Variants in KCNG2 observed in about 807,000 individuals in gnomAD.
KCNG2 encodes voltage-gated potassium channel regulatory subunit KCNG2.
Under a neutral mutation model 12.3 loss-of-function variants are expected in KCNG2, and 7 were observed. That is an observed-to-expected ratio of 0.57 (90% CI 0.32 to 1.07). KCNG2 has a LOEUF of 1.07. KCNG2 is among the 50% of genes least tolerant of loss of function. The pLI, the probability that KCNG2 is intolerant of heterozygous loss-of-function variation, is 0.04. For missense variants in KCNG2, 703 were observed against 726.0 expected (o/e 0.97, Z 0.36); for synonymous variants, 414 against 351.4 (o/e 1.18, Z -1.99).
At chr18:79,867,660 C>T (rs1380472545) in intron 3 of KCNG2, among the ~76,000 whole-genome samples, 4 of 151,946 alleles carry the variant, frequency 2.6e-5, no homozygotes, top group African/African-American at 4.8e-5. Flanking sequence ...GTGACATTCA[C>T]GGAGAAGGGG....
chr18:79,880,169 A>T (rs71367557), intron 3 of KCNG2, among the ~76,000 whole-genome samples: 7,475 of 152,174 alleles, frequency 0.049, 284 homozygotes, highest in Non-Finnish European at 0.068. Context: ...CTACAAAGTC[A>T]CCCAAAATGT....
intron 1 of KCNG2, among the ~76,000 whole-genome samples, chr18:79,838,228 C>T (rs182716300): frequency 6.1e-4 from 93 of 152,094 alleles, no homozygotes; most frequent in African/African-American, 2.1e-3. Context: ...GGACACAGAG[C>T]CAAACCATAT....
rs192117820 is a variant in KCNG2 at position 79,833,899 on chromosome 18, G to T, written c.-114-22480G>T. On this transcript the variant is annotated intron_variant, in intron 1 of 3. Transcript: ENST00000316249. ...TGCGCCGGGAAGAGAAAGGCCAAGG[G>T]TGGCGATCCTTGCTAGAGGGTCAGA... 2.0e-5 allele frequency among the ~76,000 whole-genome samples: 3 copies of T among 152,336 alleles called. No homozygotes were observed. The East Asian group carries it at 5.8e-4, about 29-fold the overall frequency.
At chr18:79,881,768 G>A (rs913035672) in intron 3 of KCNG2, among the ~76,000 whole-genome samples, 1 of 152,148 alleles carries the variant, frequency 6.6e-6, no homozygotes, top group Non-Finnish European at 1.5e-5. Flanking sequence ...TTTATGGAAA[G>A]GCCTAGGAAC....
chr18:79,872,280 G>GTTTTTTGTTTTTTTTT (rs1979867524), intron 3 of KCNG2, among the ~76,000 whole-genome samples: 2 of 73,410 alleles, frequency 2.7e-5, no homozygotes, highest in African/African-American at 5.2e-5. Flanking sequence ...CAAAGCTTCA[G>GTTTTTTGTTTTTTTTT]TTTTTTTTTT....
At chr18:79,895,071 A>G (rs867627271) in intron 3 of KCNG2, among the ~76,000 whole-genome samples, 1 of 143,288 alleles carries the variant, frequency 7.0e-6, no homozygotes, top group South Asian at 2.2e-4. Context: ...CACCATTCAT[A>G]ATGATTGATA....
Position 79,899,706 on chromosome 18 carries a change from G to T in KCNG2, c.1291G>T (p.Glu431Ter), listed in dbSNP as rs1185517844. Residue 431 changes from glutamate to a stop codon, truncating the protein, a stop_gained, in exon 4 of 4, where the codon GAG becomes TAG. Transcript: ENST00000316249. LOFTEE classifies it low-confidence loss of function (END_TRUNC). ...GGCCAGCCCCGAGCCGGCCCTGCAGGAGGACAGCACGCACTCGGCCACAGC... is the reference window on the plus strand; with the variant it reads ...GGCCAGCCCCGAGCCGGCCCTGCAGTAGGACAGCACGCACTCGGCCACAGC... ...RAASPEPALQ[E>*]DSTHSATATE... The T allele has an allele frequency of 1.2e-6, 2 of 1,606,714 alleles. No homozygotes were observed. The highest frequency in any genetic ancestry group is 1.7e-5 in the Admixed American group (1 of 59,584).
chr18:79,898,015 T>C (rs1981039403), intron 3 of KCNG2, among the ~76,000 whole-genome samples: 1 of 152,150 alleles, frequency 6.6e-6, no homozygotes, highest in Non-Finnish European at 1.5e-5. Flanking sequence ...CCAGGAGGGC[T>C]CCTGCCAGCT....
Position 79,798,006 on chromosome 18 carries a change from G to A in KCNG2, c.-123G>A, listed in dbSNP as rs2087375458. ...GCGGAGCCCGGAGCTCGCGGAGTCTGGACCGCAGGTAAAGTTGAGCGCGCC... is the reference window on the plus strand; with the variant it reads ...GCGGAGCCCGGAGCTCGCGGAGTCTAGACCGCAGGTAAAGTTGAGCGCGCC... On this transcript the variant is annotated 5_prime_UTR_variant, in exon 1 of 4. Coordinates refer to ENST00000316249, the MANE Select transcript of KCNG2 (RefSeq NM_012283.2). 6.6e-6 allele frequency among the ~76,000 whole-genome samples: 1 copy of A among 150,924 alleles called. No individual in the cohort carries two copies.
intron 1 of KCNG2, among the ~76,000 whole-genome samples, chr18:79,808,505 T>G (rs369557981): frequency 0.23 from 31 of 136 alleles, no homozygotes; most frequent in Admixed American, 0.33. Context: ...TGCCGGGGCC[T>G]CGCTGACCAC....
intron 3 of KCNG2, among the ~76,000 whole-genome samples, chr18:79,892,128 A>AG (rs1399851553): frequency 6.7e-6 from 1 of 149,660 alleles, no homozygotes; most frequent in Non-Finnish European, 1.5e-5. Flanking sequence ...AAAAAAAAAA[A>AG]AAACAACACA....
chr18:79,798,117 G>C (rs1249630325), intron 1 of KCNG2, among the ~76,000 whole-genome samples, 103 bp downstream of exon 1: 1 of 151,542 alleles, frequency 6.6e-6, no homozygotes, highest in Non-Finnish European at 1.5e-5. Context: ...CTGTCTGATG[G>C]TTCCGCGCGC....
intron 1 of KCNG2, among the ~76,000 whole-genome samples, chr18:79,826,469 A>C (rs1056684308): frequency 4.6e-5 from 7 of 151,294 alleles, no homozygotes; most frequent in African/African-American, 1.7e-4. Context: ...CATTACGTTC[A>C]GTGAAAGAAC....
At chr18:79,828,360 G>A (rs1460133660) in intron 1 of KCNG2, among the ~76,000 whole-genome samples, 1 of 152,236 alleles carries the variant, frequency 6.6e-6, no homozygotes, top group African/African-American at 2.4e-5. Context: ...ATGAGTCTGT[G>A]TGTGCAGGTG....
intron 3 of KCNG2, among the ~76,000 whole-genome samples, chr18:79,873,517 T>G (rs1321325305): frequency 6.7e-6 from 1 of 148,858 alleles, no homozygotes; most frequent in Non-Finnish European, 1.5e-5. Flanking sequence ...GCTTGGCCTG[T>G]ATGCAGCTGT....
chr18:79,872,280 GTTT>G (rs1162742507), intron 3 of KCNG2, among the ~76,000 whole-genome samples: 13 of 73,414 alleles, frequency 1.8e-4, no homozygotes, highest in Non-Finnish European at 4.7e-5. Context: ...CAAAGCTTCA[GTTT>G]TTTTTTTTTT....
chr18:79,873,073 T>C (rs1022816564), intron 3 of KCNG2, among the ~76,000 whole-genome samples: 1 of 152,072 alleles, frequency 6.6e-6, no homozygotes, highest in African/African-American at 2.4e-5. Context: ...GCTCTGCCGG[T>C]TGGGCCTGGG....
At chr18:79,874,734 G>A (rs559756596) in intron 3 of KCNG2, among the ~76,000 whole-genome samples, 85 of 152,278 alleles carry the variant, frequency 5.6e-4, no homozygotes, top group African/African-American at 1.9e-3. Context: ...GTGCATCTCC[G>A]CTCCCTCCTC....
chr18:79,834,747 T>G (rs1314243439), intron 1 of KCNG2, among the ~76,000 whole-genome samples: 1 of 152,142 alleles, frequency 6.6e-6, no homozygotes, highest in Non-Finnish European at 1.5e-5. Flanking sequence ...CTCCCAACAC[T>G]CAGCTTTTCT....
Sources: gnomAD v4.1 joint callset for allele counts (sites outside exome capture counted in the v4.1 genomes callset) on GRCh38, gnomAD v4.1.1 for gene constraint, MANE v1.5 for transcripts, NCBI Gene and HGNC (gene_info 2026-07-23, HGNC 2026-07-21) for gene names.